CHL1: variants seen among roughly 807,000 people sequenced by gnomAD.
CHL1 encodes the protein neural cell adhesion molecule L1-like protein.
In CHL1, 96 loss-of-function variants were observed where a neutral mutation model predicts 141.9. The observed-to-expected ratio is 0.68, with a 90% CI of 0.57 to 0.80. CHL1 has a LOEUF of 0.80. Among genes scored for constraint, CHL1 ranks in the 30% least tolerant of loss-of-function variants. CHL1 has a pLI of 0.00. For missense variants in CHL1, 1,820 were observed against 1,457.2 expected (o/e 1.25, Z -4.05); for synonymous variants, 613 against 502.2 (o/e 1.22, Z -2.95).
chr3:277,280 T>C (rs1257734614), intron 2 of CHL1, among the ~76,000 whole-genome samples: 2 of 152,176 alleles, frequency 1.3e-5, no homozygotes, highest in Non-Finnish European at 1.5e-5. Context: ...GCTAGAATTA[T>C]ATAATAGTAG....
At chr3:333,124 A>ATTTGTTTTTTTTTTTTTTTTTTTT (rs1701576371) in intron 5 of CHL1, among the ~76,000 whole-genome samples, 1 of 83,312 alleles carries the variant, frequency 1.2e-5, no homozygotes, top group Non-Finnish European at 2.1e-5. Context: ...TAATTGCTCT[A>ATTTGTTTTTTTTTTTTTTTTTTTT]TTTTTTTTAT....
At chr3:225,593 A>C (rs1436098421) in intron 1 of CHL1, among the ~76,000 whole-genome samples, 1 of 10,826 alleles carries the variant, frequency 9.2e-5, no homozygotes, top group Non-Finnish European at 5.4e-4. Flanking sequence ...GCTCAAACAC[A>C]GTTCAATTAC....
chr3:347,008 T>A (rs1702825175), intron 9 of CHL1, among the ~76,000 whole-genome samples: 1 of 152,186 alleles, frequency 6.6e-6, no homozygotes, highest in South Asian at 2.1e-4. Flanking sequence ...TAGGTCTATA[T>A]CTTGGCAAGA....
chr3:246,465 C>T (rs2125118647), intron 2 of CHL1: 1 of 152,108 alleles, frequency 6.6e-6, no homozygotes, highest in East Asian at 1.9e-4. Context: ...GGGAAATCAG[C>T]CATCAGGTTC....
At chr3:361,038 G>T (rs1195036326) in intron 12 of CHL1, among the ~76,000 whole-genome samples, 1 of 151,972 alleles carries the variant, frequency 6.6e-6, no homozygotes, top group African/African-American at 2.4e-5. Flanking sequence ...TGTGAATAAT[G>T]CCGCAAAAAA....
At chr3:328,080 T>C in intron 4 of CHL1, 87 bp from the exon 5 acceptor site, 1 of 1,005,902 alleles carries the variant, frequency 9.9e-7, no homozygotes. Context: ...AATGTCTTGG[T>C]TTTGTCAATT....
intron 5 of CHL1, among the ~76,000 whole-genome samples, chr3:339,298 A>G (rs1272311838): frequency 1.3e-5 from 2 of 152,252 alleles, no homozygotes; most frequent in Admixed American, 6.5e-5. Context: ...TTTGATGTCA[A>G]TCAAAGCCGA....
At chr3:330,280 G>T (rs1372069859) in intron 5 of CHL1, among the ~76,000 whole-genome samples, 3 of 152,100 alleles carry the variant, frequency 2.0e-5, no homozygotes, top group African/African-American at 7.2e-5. Flanking sequence ...AATATATTTT[G>T]AAGTGATGAC....
intron 1 of CHL1, among the ~76,000 whole-genome samples, chr3:240,812 G>A (rs568003412): frequency 6.6e-6 from 1 of 152,116 alleles, no homozygotes; most frequent in Non-Finnish European, 1.5e-5. Flanking sequence ...TCTCCTACAT[G>A]TGGCTTGCGA....
chr3:356,426 T>C (rs1319267654), intron 11 of CHL1, among the ~76,000 whole-genome samples: 1 of 152,196 alleles, frequency 6.6e-6, no homozygotes, highest in Non-Finnish European at 1.5e-5. Flanking sequence ...TGGGGTACTT[T>C]CTATGTTCCC....
At chr3:220,156 A>C (rs529914272) in intron 1 of CHL1, among the ~76,000 whole-genome samples, 2 of 152,130 alleles carry the variant, frequency 1.3e-5, no homozygotes, top group South Asian at 4.1e-4. Flanking sequence ...AAGACTGGGG[A>C]GGGTGGTTGA....
chr3:216,514 G>C (rs1035042054), intron 1 of CHL1, among the ~76,000 whole-genome samples: 18 of 152,112 alleles, frequency 1.2e-4, no homozygotes, highest in Admixed American at 3.9e-4. Flanking sequence ...TTGAACCCTA[G>C]GAGAGTCAAC....
intron 19 of CHL1, among the ~76,000 whole-genome samples, chr3:388,538 A>C (rs1266740780): frequency 7.0e-6 from 1 of 141,870 alleles, no homozygotes; most frequent in Admixed American, 7.4e-5. Context: ...CAAGAGTGAA[A>C]CTCCGTCTCA....
At chr3:334,922 T>A (rs543461592) in intron 5 of CHL1, among the ~76,000 whole-genome samples, 1 of 152,252 alleles carries the variant, frequency 6.6e-6, no homozygotes, top group Non-Finnish European at 1.5e-5. Flanking sequence ...GATTTATTGG[T>A]TGATAGGCTG....
At chr3:393,306 A>G (rs1370832562) in intron 23 of CHL1, among the ~76,000 whole-genome samples, 1 of 151,828 alleles carries the variant, frequency 6.6e-6, no homozygotes. Flanking sequence ...TTAACCTTAT[A>G]TTAGTCGATG....
At chr3:230,807 A>G (rs1430706778) in intron 1 of CHL1, among the ~76,000 whole-genome samples, 1 of 152,150 alleles carries the variant, frequency 6.6e-6, no homozygotes, top group Non-Finnish European at 1.5e-5. Flanking sequence ...ACTAGATTTT[A>G]TTTCTCTAAA....
rs1245093764 is a variant in CHL1 at position 408,528 on chromosome 3, A to T, written c.*2817A>T. On this transcript the variant is annotated 3_prime_UTR_variant, in exon 28 of 28. Transcript: ENST00000256509. ...CAGGGTGTTCTTTTTTATGAAGAAA[A>T]ATTTGAAAATGATAAAAGCTAAGAT... 6.6e-6 allele frequency: 1 copy of T among 152,070 alleles called. No individual in the cohort carries two copies. The highest frequency in any genetic ancestry group is 1.5e-5 in the Non-Finnish European group (1 of 67,992). 9.4% of individuals were successfully genotyped at this position (152,070 alleles called of 1,614,324 possible).
At chr3:338,394 C>A (rs1575107056) in intron 5 of CHL1, among the ~76,000 whole-genome samples, 1 of 152,250 alleles carries the variant, frequency 6.6e-6, no homozygotes, top group South Asian at 2.1e-4. Flanking sequence ...ATGTTTGTCA[C>A]CAGATAAACA....
intron 2 of CHL1, among the ~76,000 whole-genome samples, chr3:251,860 T>C (rs1053884817): frequency 2.0e-5 from 3 of 152,176 alleles, no homozygotes; most frequent in Non-Finnish European, 4.4e-5. Flanking sequence ...AGTGTTTCAG[T>C]GGGATGTTTA....
Sources: allele counts gnomAD v4.1 joint callset (sites outside exome capture counted in the v4.1 genomes callset), GRCh38; gene constraint gnomAD v4.1.1; transcripts MANE v1.5; gene names NCBI Gene and HGNC (gene_info 2026-07-23, HGNC 2026-07-21).